DOCK1: variants seen among roughly 807,000 people sequenced by gnomAD.
DOCK1 encodes the protein dedicator of cytokinesis protein 1.
A neutral mutation model predicts 262.7 loss-of-function variants in DOCK1; 138 were observed. That is an observed-to-expected ratio of 0.53 (90% CI 0.46 to 0.61). DOCK1 has a LOEUF of 0.61. Among genes scored for constraint, DOCK1 ranks in the 20% least tolerant of loss-of-function variants. DOCK1 has a pLI of 0.00. For missense variants in DOCK1, 1,908 were observed against 2,370.7 expected, an observed-to-expected ratio of 0.80 and a Z score of 4.05; for synonymous variants, 866 against 867.4, an observed-to-expected ratio of 1.00 and a Z score of 0.03.
intron 1 of DOCK1, among the ~76,000 whole-genome samples, chr10:126,955,810 A>G (rs1231026681): frequency 1.3e-5 from 2 of 152,032 alleles, no homozygotes; most frequent in African/African-American, 4.8e-5. Flanking sequence ...GGCTTACCAC[A>G]CACTTTTTGG....
At chr10:127,157,977 T>C (rs2053243380) in intron 27 of DOCK1, among the ~76,000 whole-genome samples, 1 of 152,208 alleles carries the variant, frequency 6.6e-6, no homozygotes, top group Non-Finnish European at 1.5e-5. Flanking sequence ...GTGTTCTCAA[T>C]AGAGGGCTTA....
chr10:127,331,474 G>A (rs1444013944), intron 29 of DOCK1, among the ~76,000 whole-genome samples: 1 of 152,066 alleles, frequency 6.6e-6, no homozygotes, highest in African/African-American at 2.4e-5. Flanking sequence ...TAGAGATGGG[G>A]TTTCACCATG....
intron 43 of DOCK1, among the ~76,000 whole-genome samples, chr10:127,412,295 C>T (rs1038761162): frequency 1.3e-5 from 2 of 152,138 alleles, no homozygotes; most frequent in African/African-American, 4.8e-5. Context: ...ATACAAACTG[C>T]TTTCATGGAT....
chr10:127,228,387 C>T (rs1006278474), intron 27 of DOCK1, among the ~76,000 whole-genome samples: 1 of 152,198 alleles, frequency 6.6e-6, no homozygotes, highest in Non-Finnish European at 1.5e-5. Context: ...TGTTTTTCAT[C>T]TGCTGGGTGG....
intron 27 of DOCK1, among the ~76,000 whole-genome samples, chr10:127,224,324 G>T (rs576544766): frequency 4.3e-4 from 65 of 152,264 alleles, no homozygotes; most frequent in African/African-American, 1.4e-3. Flanking sequence ...ACTTTGGGAG[G>T]CTGAGGCAGG....
chr10:126,910,193 C>T (rs933868417), intron 1 of DOCK1, among the ~76,000 whole-genome samples: 2 of 152,206 alleles, frequency 1.3e-5, no homozygotes, highest in Non-Finnish European at 2.9e-5. Flanking sequence ...AAAACCAAAT[C>T]AGGGCATATT....
intron 23 of DOCK1, among the ~76,000 whole-genome samples, chr10:127,096,137 A>G (rs574049213): frequency 4.6e-5 from 7 of 152,352 alleles, no homozygotes; most frequent in African/African-American, 1.4e-4. Flanking sequence ...GATTGAAGCA[A>G]TTGTTGCCAT....
At chr10:127,266,845 C>T (rs981907672) in intron 29 of DOCK1, among the ~76,000 whole-genome samples, 21 of 152,178 alleles carry the variant, frequency 1.4e-4, no homozygotes, top group Non-Finnish European at 1.6e-4. Context: ...AGAAAACTGG[C>T]CTAACCTGAG....
intron 1 of DOCK1, among the ~76,000 whole-genome samples, chr10:126,953,412 G>A (rs1419452106): frequency 1.3e-5 from 2 of 151,914 alleles, no homozygotes; most frequent in African/African-American, 4.8e-5. Flanking sequence ...GGTGATGGTG[G>A]TGGTGGTAGT....
intron 39 of DOCK1, 77 bp from the exon 40 acceptor site, chr10:127,404,248 A>G: frequency 7.7e-7 from 1 of 1,294,650 alleles, no homozygotes; most frequent in Non-Finnish European, 1.1e-6. Flanking sequence ...GAGCTTTTAA[A>G]GAGCCCGCAA....
At chr10:126,947,312 GTGATGGTGGTGGTTGGTAGTATTACTGT>G (rs2035511605) in intron 1 of DOCK1, among the ~76,000 whole-genome samples, 4 of 135,930 alleles carry the variant, frequency 2.9e-5, no homozygotes, top group African/African-American at 1.1e-4. Flanking sequence ...ACTGTTGGTG[GTGATGGTGGTGGTTGGTAGTATTACTGT>G]TGGTGATGGT....
At chr10:126,961,820 T>C (rs1262502652) in intron 1 of DOCK1, among the ~76,000 whole-genome samples, 5 of 152,180 alleles carry the variant, frequency 3.3e-5, no homozygotes, top group African/African-American at 1.2e-4. Context: ...TGTGCAAATA[T>C]CTATTCCAGA....
intron 23 of DOCK1, among the ~76,000 whole-genome samples, chr10:127,103,708 C>T (rs1026148401): frequency 3.3e-5 from 5 of 152,134 alleles, no homozygotes; most frequent in African/African-American, 4.8e-5. Context: ...CAGCCTGTTC[C>T]GTGCTTAATT....
intron 14 of DOCK1, among the ~76,000 whole-genome samples, chr10:127,024,223 C>T (rs144378915): frequency 1.2e-3 from 177 of 152,320 alleles, no homozygotes; most frequent in Non-Finnish European, 1.9e-3. Flanking sequence ...CTCTGTCCAG[C>T]ATCACTGCCT....
intron 29 of DOCK1, among the ~76,000 whole-genome samples, chr10:127,291,131 TC>T (rs1279467127): frequency 6.6e-6 from 1 of 152,154 alleles, no homozygotes; most frequent in African/African-American, 2.4e-5. Flanking sequence ...TGGGAAGACA[TC>T]CCTTGTTCTC....
chr10:126,911,177 T>C (rs1246028243), intron 1 of DOCK1, among the ~76,000 whole-genome samples: 2 of 152,206 alleles, frequency 1.3e-5, no homozygotes, highest in Non-Finnish European at 2.9e-5. Context: ...GTATATGTGA[T>C]TGTAGATTTC....
intron 27 of DOCK1, among the ~76,000 whole-genome samples, chr10:127,132,018 G>T (rs1237724476): frequency 6.6e-6 from 1 of 152,196 alleles, no homozygotes; most frequent in Admixed American, 6.5e-5. Flanking sequence ...GTCAACAACA[G>T]TACTAGAAAT....
intron 29 of DOCK1, among the ~76,000 whole-genome samples, chr10:127,302,499 T>C (rs750637691): frequency 1.7e-4 from 26 of 152,242 alleles, no homozygotes; most frequent in Admixed American, 5.9e-4. Flanking sequence ...TAAAGGCAAT[T>C]TGAGGACAGC....
intron 29 of DOCK1, among the ~76,000 whole-genome samples, chr10:127,287,349 C>G (rs1490049887): frequency 1.3e-5 from 2 of 151,926 alleles, no homozygotes; most frequent in African/African-American, 4.8e-5. Flanking sequence ...ACCACCATGC[C>G]CAGCTAATTT....
Sources: allele counts gnomAD v4.1 joint callset (sites outside exome capture counted in the v4.1 genomes callset), GRCh38; gene constraint gnomAD v4.1.1; transcripts MANE v1.5; gene names NCBI Gene and HGNC (gene_info 2026-07-23, HGNC 2026-07-21).